The following PAGE2B variants were observed in gnomAD, a reference collection of about 807,000 sequenced individuals.
The protein encoded by PAGE2B is PAGE family member 2B, also known as putative G antigen family E member 3.
PAGE2B carries 5 observed loss-of-function variants against 7.6 expected under a neutral mutation model. The ratio of observed to expected loss-of-function variants is 0.66; its 90% confidence interval spans 0.34 to 1.38. PAGE2B has a LOEUF of 1.38. Ranked by LOEUF, PAGE2B falls within the 40% of genes most tolerant of loss-of-function variation. The pLI is 0.04. For synonymous variants in PAGE2B, 29 were observed against 26.7 expected (o/e 1.09, Z -0.27); for missense variants, 70 against 78.4 (o/e 0.89, Z 0.41).
the PAGE2B span, among the ~76,000 whole-genome samples, chrX:55,066,134 A>T: frequency 4.3e-4 from 48 of 111,247 alleles, 2 homozygotes; most frequent in East Asian, 0.014. Flanking sequence ...CTTGTTGCCC[A>T]GGCTGGAGTG....
At chrX:55,071,770 C>T (rs1477912676), upstream of PAGE2B, among the ~76,000 whole-genome samples, 2 of 111,682 alleles carry the variant, frequency 1.8e-5, no homozygotes, top group Non-Finnish European at 3.8e-5. Flanking sequence ...TTTTCTCTAA[C>T]CTTGTTTTCT....
chrX:55,065,802 TA>T, the PAGE2B span, among the ~76,000 whole-genome samples: 8 of 112,384 alleles, frequency 7.1e-5, no homozygotes, highest in East Asian at 1.7e-3. Context: ...ACTGATTGCA[TA>T]AAAAACCCAA....
the PAGE2B span, among the ~76,000 whole-genome samples, chrX:55,068,351 A>T: frequency 9.0e-6 from 1 of 111,402 alleles, no homozygotes; most frequent in African/African-American, 3.3e-5. Context: ...TTGGTTGTAG[A>T]TATGTGGCAT....
At chrX:55,074,894 C>T (rs190960080), upstream of PAGE2B, among the ~76,000 whole-genome samples, 37 of 112,517 alleles carry the variant, frequency 3.3e-4, no homozygotes, top group African/African-American at 1.1e-3. Context: ...TCTCCACAGA[C>T]GCAGGAAAAC....
intron 2 of PAGE2B, 34 bp from the exon 3 acceptor site, chrX:55,076,535 G>T: frequency 8.9e-7 from 1 of 1,118,396 alleles, no homozygotes. Context: ...TTATATTATT[G>T]ACTTTTTATT....
the PAGE2B span, among the ~76,000 whole-genome samples, chrX:55,064,150 C>A: frequency 9.0e-6 from 1 of 111,223 alleles, no homozygotes; most frequent in East Asian, 2.8e-4. Context: ...TCTTCTTTAA[C>A]AGCTTGGTAG....
chrX:55,052,625 C>T, the PAGE2B span, among the ~76,000 whole-genome samples: 1 of 112,944 alleles, frequency 8.9e-6, no homozygotes, highest in Non-Finnish European at 1.9e-5. Flanking sequence ...GGGATATAAT[C>T]TCCTGGTGTG....
At chrX:55,049,715 T>C in the PAGE2B span, among the ~76,000 whole-genome samples, 2 of 111,517 alleles carry the variant, frequency 1.8e-5, no homozygotes, top group Non-Finnish European at 3.8e-5. Flanking sequence ...TTATTAGTCT[T>C]GCTAGCGGTC....
At chrX:55,075,906 G>A (rs1289321240) in intron 1 of PAGE2B, 128 bp from the exon 2 acceptor site, 13 of 685,522 alleles carry the variant, frequency 1.9e-5, no homozygotes, top group Non-Finnish European at 2.8e-5. Flanking sequence ...ACTTATCAAT[G>A]CTCTGTGAAT....
chrX:55,077,020 T>A (rs1431557453), intron 3 of PAGE2B, among the ~76,000 whole-genome samples: 1 of 111,468 alleles, frequency 9.0e-6, no homozygotes, highest in Non-Finnish European at 1.9e-5. Flanking sequence ...CGTCATGTAT[T>A]TTTTAAGAAA....
At chrX:55,053,466 G>GT in the PAGE2B span, among the ~76,000 whole-genome samples, 1 of 111,799 alleles carries the variant, frequency 8.9e-6, no homozygotes. Context: ...AACCACCATG[G>GT]CACCCATTTA....
chrX:55,058,597 C>A, the PAGE2B span, among the ~76,000 whole-genome samples: 1 of 111,102 alleles, frequency 9.0e-6, no homozygotes, highest in Non-Finnish European at 1.9e-5. Flanking sequence ...TTGCCATAGC[C>A]CTTTGTAGTT....
the PAGE2B span, among the ~76,000 whole-genome samples, chrX:55,032,044 A>G: frequency 8.9e-6 from 1 of 111,984 alleles, no homozygotes; most frequent in Non-Finnish European, 1.9e-5. Flanking sequence ...CCTTATTGAT[A>G]TAAATTTAGG....
the PAGE2B span, among the ~76,000 whole-genome samples, chrX:55,059,671 A>C: frequency 4.7e-3 from 519 of 111,030 alleles, 6 homozygotes; most frequent in East Asian, 0.058. Flanking sequence ...GATACATTAT[A>C]ATTTGCTATA....
At chrX:55,044,245 G>C in the PAGE2B span, among the ~76,000 whole-genome samples, 15 of 111,236 alleles carry the variant, frequency 1.3e-4, no homozygotes, top group South Asian at 3.8e-4. Flanking sequence ...CGTCCAATGA[G>C]TGGATAAAGA....
upstream of PAGE2B, among the ~76,000 whole-genome samples, chrX:55,072,197 A>T (rs1438209052): frequency 8.9e-6 from 1 of 112,172 alleles, no homozygotes; most frequent in Non-Finnish European, 1.9e-5. Flanking sequence ...GTTTTTCCTC[A>T]TCTTCATGGA....
intron 2 of PAGE2B, among the ~76,000 whole-genome samples, 165 bp from the exon 3 acceptor site, chrX:55,076,404 A>ATG (rs1569548346): frequency 3.7e-5 from 4 of 108,120 alleles, no homozygotes; most frequent in African/African-American, 1.4e-4. Context: ...GTATGTGTAT[A>ATG]TATGTATGTA....
chrX:55,064,664 T>C, the PAGE2B span, among the ~76,000 whole-genome samples: 3 of 111,313 alleles, frequency 2.7e-5, no homozygotes, highest in African/African-American at 9.8e-5. Flanking sequence ...GTATTTGTTG[T>C]TTTTTGATAT....
At chrX:55,053,644 G>A in the PAGE2B span, among the ~76,000 whole-genome samples, 1 of 111,837 alleles carries the variant, frequency 8.9e-6, no homozygotes, top group Non-Finnish European at 1.9e-5. Context: ...TCAGCATACA[G>A]AGGAAATAAC....
Sources: allele counts gnomAD v4.1 joint callset (sites outside exome capture counted in the v4.1 genomes callset), GRCh38; gene constraint gnomAD v4.1.1; transcripts MANE v1.5; gene names NCBI Gene and HGNC (gene_info 2026-07-23, HGNC 2026-07-21).